Variants in STPG2 observed in about 807,000 individuals in gnomAD.
STPG2 encodes sperm tail PG-rich repeat containing 2, also known as sperm-tail PG-rich repeat-containing protein 2.
A neutral mutation model predicts 54.2 loss-of-function variants in STPG2; 56 were observed. The ratio of observed to expected loss-of-function variants is 1.03; its 90% confidence interval spans 0.83 to 1.29. The LOEUF (loss-of-function observed/expected upper bound fraction) is 1.29, where lower values mean the gene tolerates loss of function less well. Ranked by LOEUF, STPG2 falls within the 50% of genes most tolerant of loss-of-function variation. The pLI, the probability that STPG2 is intolerant of heterozygous loss-of-function variation, is 0.00. For synonymous variants in STPG2, 200 were observed against 181.8 expected, an observed-to-expected ratio of 1.10 and a Z score of -0.81; for missense variants, 596 against 544.9, an observed-to-expected ratio of 1.09 and a Z score of -0.93.
intron 8 of STPG2, among the ~76,000 whole-genome samples, chr4:97,868,254 C>T (rs1729862773): frequency 6.6e-6 from 1 of 151,764 alleles, no homozygotes; most frequent in South Asian, 2.1e-4. Flanking sequence ...ATTTACTGTA[C>T]CATCTGAATC....
At chr4:97,554,164 C>G (rs1222226860), downstream of STPG2, among the ~76,000 whole-genome samples, 1 of 152,110 alleles carries the variant, frequency 6.6e-6, no homozygotes, top group African/African-American at 2.4e-5. Context: ...TGTTGGACAA[C>G]AGAGCAACTT....
chr4:97,555,351 G>A (rs576780865), downstream of STPG2, among the ~76,000 whole-genome samples: 1 of 152,146 alleles, frequency 6.6e-6, no homozygotes, highest in Admixed American at 6.5e-5. Flanking sequence ...ATGTTACAGG[G>A]AGTCCCAGCA....
At chr4:98,065,460 C>T (rs1197034147) in intron 5 of STPG2, among the ~76,000 whole-genome samples, 1 of 152,162 alleles carries the variant, frequency 6.6e-6, no homozygotes, top group African/African-American at 2.4e-5. Flanking sequence ...ATTTCTTCCA[C>T]AATAGCCCTG....
intron 4 of STPG2, among the ~76,000 whole-genome samples, chr4:97,513,917 G>A (rs1046684039): frequency 4.6e-5 from 7 of 152,066 alleles, no homozygotes; most frequent in Non-Finnish European, 1.0e-4. Context: ...AAAAAGAATT[G>A]AGGAAATTAT....
chr4:98,141,849 GA>G (rs1740289750), intron 1 of STPG2, among the ~76,000 whole-genome samples: 1 of 150,960 alleles, frequency 6.6e-6, no homozygotes. Flanking sequence ...ACTGCTTGGA[GA>G]GGGGGAGAAG....
At chr4:97,842,904 CTAATTT>C (rs1728844191) in intron 8 of STPG2, among the ~76,000 whole-genome samples, 1 of 151,794 alleles carries the variant, frequency 6.6e-6, no homozygotes, top group South Asian at 2.1e-4. Flanking sequence ...ATCTTAAATT[CTAATTT>C]TATCTGACCA....
intron 8 of STPG2, among the ~76,000 whole-genome samples, chr4:97,881,927 A>G (rs1190402311): frequency 6.6e-6 from 1 of 152,146 alleles, no homozygotes; most frequent in African/African-American, 2.4e-5. Context: ...TGTCACTACC[A>G]TCCTAACAAC....
intron 4 of STPG2, among the ~76,000 whole-genome samples, chr4:97,506,019 CAAAAAAAAAAAA>C (rs59206485): frequency 1.5e-3 from 25 of 16,932 alleles, no homozygotes; most frequent in African/African-American, 3.8e-3. Context: ...AATAGGAGAC[CAAAAAAAAAAAA>C]AAAAAAAAAA....
intron 8 of STPG2, among the ~76,000 whole-genome samples, chr4:97,843,522 A>G (rs1324332600): frequency 1.3e-5 from 2 of 151,960 alleles, no homozygotes; most frequent in African/African-American, 2.4e-5. Flanking sequence ...CATCATTGCC[A>G]TTGGCATTAA....
intron 9 of STPG2, among the ~76,000 whole-genome samples, chr4:97,714,198 T>G (rs1334782097): frequency 6.6e-6 from 1 of 152,230 alleles, no homozygotes; most frequent in Non-Finnish European, 1.5e-5. Context: ...CTACCTACTT[T>G]GGCAAATACA....
At chr4:98,063,429 C>A (rs915636740) in intron 5 of STPG2, among the ~76,000 whole-genome samples, 1 of 151,120 alleles carries the variant, frequency 6.6e-6, no homozygotes. Flanking sequence ...AGCCTGGTGA[C>A]AGAGCAAGAC....
chr4:97,492,931 TA>T (rs962764286), intron 4 of STPG2, among the ~76,000 whole-genome samples: 1 of 149,336 alleles, frequency 6.7e-6, no homozygotes, highest in Non-Finnish European at 1.5e-5. Flanking sequence ...AGTCAAGAGG[TA>T]GAGTCTGCTT....
At chr4:98,053,400 G>A (rs886650056) in intron 5 of STPG2, among the ~76,000 whole-genome samples, 1 of 152,086 alleles carries the variant, frequency 6.6e-6, no homozygotes, top group African/African-American at 2.4e-5. Flanking sequence ...TAGAGTATAG[G>A]CATAGTCATT....
intron 10 of STPG2, among the ~76,000 whole-genome samples, chr4:97,674,480 T>C (rs1341029810): frequency 6.6e-6 from 1 of 152,184 alleles, no homozygotes; most frequent in Non-Finnish European, 1.5e-5. Context: ...CATGTGGGTA[T>C]GTTTATTCCA....
chr4:97,685,956 T>C (rs1723176426), intron 10 of STPG2, among the ~76,000 whole-genome samples: 1 of 152,224 alleles, frequency 6.6e-6, no homozygotes, highest in Admixed American at 6.5e-5. Context: ...TTGTCAATAT[T>C]TAACATGGTT....
intron 10 of STPG2, among the ~76,000 whole-genome samples, chr4:97,693,317 T>A (rs1478320095): frequency 1.3e-5 from 2 of 151,980 alleles, no homozygotes; most frequent in African/African-American, 4.8e-5. Flanking sequence ...AGGACTCACA[T>A]AAACTTAAGG....
chr4:97,555,280 C>T (rs1012334597), downstream of STPG2, among the ~76,000 whole-genome samples: 1 of 152,068 alleles, frequency 6.6e-6, no homozygotes, highest in African/African-American at 2.4e-5. Flanking sequence ...GGTTATTTCC[C>T]ATGTATACAG....
intron 9 of STPG2, among the ~76,000 whole-genome samples, chr4:97,810,413 G>T (rs193067374): frequency 6.7e-6 from 1 of 148,262 alleles, no homozygotes; most frequent in Admixed American, 6.8e-5. Context: ...GCAGTGAGCC[G>T]AGATTGCACC....
At chr4:97,765,188 A>G (rs757086520) in intron 9 of STPG2, among the ~76,000 whole-genome samples, 7 of 152,180 alleles carry the variant, frequency 4.6e-5, no homozygotes, top group Non-Finnish European at 5.9e-5. Flanking sequence ...CTTGGACTGA[A>G]TAATGCAGAA....
Sources: allele counts gnomAD v4.1 joint callset (sites outside exome capture counted in the v4.1 genomes callset), GRCh38; gene constraint gnomAD v4.1.1; transcripts MANE v1.5; gene names NCBI Gene and HGNC (gene_info 2026-07-23, HGNC 2026-07-21).